The following NEK10 variants were observed in gnomAD, a reference collection of about 807,000 sequenced individuals.
The protein encoded by NEK10 is serine/threonine-protein kinase Nek10.
In NEK10, 122 loss-of-function variants were observed where a neutral mutation model predicts 159.8. That is an observed-to-expected ratio of 0.76 (90% CI 0.66 to 0.89). The LOEUF (loss-of-function observed/expected upper bound fraction) is 0.89, where lower values mean the gene tolerates loss of function less well. Among genes scored for constraint, NEK10 ranks in the 40% least tolerant of loss-of-function variants. The probability of loss-of-function intolerance (pLI) is 0.00; values close to 1 mark genes in which losing one functional copy is unlikely to be tolerated. For missense variants in NEK10, 1,342 were observed against 1,323.1 expected (o/e 1.01, Z -0.22); for synonymous variants, 466 against 457.1 (o/e 1.02, Z -0.25).
intron 24 of NEK10, 83 bp from the exon 25 acceptor site, chr3:27,201,663 AG>A: frequency 1.1e-6 from 1 of 938,542 alleles, no homozygotes; most frequent in East Asian, 2.4e-5. Context: ...ATAACCTGAG[AG>A]TTACTAATTA....
At chr3:27,158,751 A>G (rs766962815) in intron 30 of NEK10, among the ~76,000 whole-genome samples, 3 of 152,176 alleles carry the variant, frequency 2.0e-5, no homozygotes, top group Non-Finnish European at 4.4e-5. Flanking sequence ...TTGACATTAT[A>G]TTTGCACTTG....
Position 27,131,964 on chromosome 3 carries a change from C to A in NEK10, c.2997G>T (p.Leu999Phe). The A allele has an allele frequency of 6.2e-7, 1 of 1,606,806 alleles. No individual in the cohort carries two copies. The highest frequency in any genetic ancestry group is 8.5e-7 in the Non-Finnish European group (1 of 1,174,390). ...TGAATCTCTCTATAACCCTTCTTTT[C>A]AAATTGTGGTGCAAAGCTGGAGGAA... ...TQLPPALHHN[L>F]KRRVIERFKK... is the part of the protein sequence containing the mutation. Residue 999 changes from leucine to phenylalanine, a missense_variant, in exon 32 of 36, where the codon TTG (leucine) becomes TTT (phenylalanine). By Grantham distance (22) the Leu-to-Phe change is conservative (BLOSUM62 0). Coordinates refer to ENST00000691995, the MANE Select transcript of NEK10 (RefSeq NM_001394966.1).
chr3:27,144,528 C>T (rs934046231), intron 30 of NEK10, among the ~76,000 whole-genome samples: 1 of 152,166 alleles, frequency 6.6e-6, no homozygotes, highest in African/African-American at 2.4e-5. Context: ...AGAAAAGAAT[C>T]CATTTTTCTA....
At chr3:27,279,140 A>G (rs940958551) in intron 22 of NEK10, among the ~76,000 whole-genome samples, 1 of 152,228 alleles carries the variant, frequency 6.6e-6, no homozygotes, top group African/African-American at 2.4e-5. Flanking sequence ...GCTTACTATA[A>G]ATAAGTGCAA....
chr3:27,299,917 G>A (rs1410282640), intron 13 of NEK10, among the ~76,000 whole-genome samples: 3 of 152,176 alleles, frequency 2.0e-5, no homozygotes, highest in Admixed American at 6.5e-5. Context: ...TAACTGACTT[G>A]CTTTTGATTT....
chr3:27,260,806 T>C (rs373130548), intron 22 of NEK10, among the ~76,000 whole-genome samples: 1 of 152,188 alleles, frequency 6.6e-6, no homozygotes, highest in Non-Finnish European at 1.5e-5. Context: ...GTACCAGCTC[T>C]TCCTTGTACC....
intron 31 of NEK10, among the ~76,000 whole-genome samples, chr3:27,136,102 G>A (rs7639475): frequency 0.056 from 5,255 of 93,544 alleles, 217 homozygotes; most frequent in African/African-American, 0.097. Context: ...CTAGGAGATC[G>A]ATTTTTTTTT....
chr3:27,350,673 C>G (rs1394454466), intron 3 of NEK10, among the ~76,000 whole-genome samples: 2 of 151,882 alleles, frequency 1.3e-5, no homozygotes, highest in African/African-American at 4.8e-5. Flanking sequence ...AAAGTTGTCC[C>G]ACAACAGATT....
At chr3:27,249,897 T>C (rs1955477463) in intron 23 of NEK10, among the ~76,000 whole-genome samples, 1 of 152,160 alleles carries the variant, frequency 6.6e-6, no homozygotes, top group Non-Finnish European at 1.5e-5. Context: ...TGTATGTTTT[T>C]TGATTTGAGG....
intron 6 of NEK10, among the ~76,000 whole-genome samples, chr3:27,321,221 A>T (rs2045604675): frequency 6.6e-6 from 1 of 152,134 alleles, no homozygotes; most frequent in African/African-American, 2.4e-5. Flanking sequence ...CTAAAGCACT[A>T]TGTCTTTGCT....
Position 27,232,900 on chromosome 3 carries a change from C to T in NEK10, c.2090+23396G>A, listed in dbSNP as rs189588395. ...CTGGATCCCCATCTCTCACCTTAAACAAAAATCAAATCAAGATGGATCAAA... is the reference window on the plus strand; with the variant it reads ...CTGGATCCCCATCTCTCACCTTAAATAAAAATCAAATCAAGATGGATCAAA... On this transcript the variant is annotated intron_variant, in intron 23 of 35. Coordinates refer to ENST00000691995, the MANE Select transcript of NEK10 (RefSeq NM_001394966.1). Among the ~76,000 whole-genome samples the T allele has an allele frequency of 3.3e-5, 5 of 152,096 alleles. No individual in the cohort carries two copies. The East Asian group carries it at 9.6e-4, about 29-fold the overall frequency.
intron 1 of NEK10, among the ~76,000 whole-genome samples, chr3:27,356,775 G>A (rs1218638290): frequency 1.3e-5 from 2 of 152,096 alleles, no homozygotes; most frequent in Admixed American, 1.3e-4. Context: ...ACTTACCACA[G>A]CACTCTGTTT....
intron 30 of NEK10, among the ~76,000 whole-genome samples, chr3:27,152,969 C>T (rs544427889): frequency 6.6e-6 from 1 of 152,212 alleles, no homozygotes; most frequent in African/African-American, 2.4e-5. Flanking sequence ...TATCACAATC[C>T]TAAATATATA....
At chr3:27,191,977 T>G in intron 26 of NEK10, 52 bp downstream of exon 26, 1 of 1,517,950 alleles carries the variant, frequency 6.6e-7, no homozygotes, top group Non-Finnish European at 9.1e-7. Context: ...ATGAACAACT[T>G]CAGACAGCCC....
chr3:27,115,281 T>A (rs941748483), intron 35 of NEK10, among the ~76,000 whole-genome samples: 56 of 152,220 alleles, frequency 3.7e-4, no homozygotes, highest in African/African-American at 1.3e-3. Context: ...CTTTCTTGAA[T>A]AACTTCATAG....
At chr3:27,235,466 C>G (rs1198665401) in intron 23 of NEK10, among the ~76,000 whole-genome samples, 1 of 152,118 alleles carries the variant, frequency 6.6e-6, no homozygotes, top group Non-Finnish European at 1.5e-5. Context: ...CATGAACAAA[C>G]ACTTTTCAGA....
intron 28 of NEK10, among the ~76,000 whole-genome samples, chr3:27,173,542 A>T (rs1191828136): frequency 6.6e-6 from 1 of 152,256 alleles, no homozygotes; most frequent in Non-Finnish European, 1.5e-5. Context: ...AATATGGAAC[A>T]TCTAATCATC....
chr3:27,252,891 G>A (rs1416901208), intron 23 of NEK10: 3 of 514,324 alleles, frequency 5.8e-6, no homozygotes, highest in Middle Eastern at 3.2e-4. Context: ...GCCATACTGA[G>A]GGCTTGGTCT....
At chr3:27,250,022 C>T (rs989823300) in intron 23 of NEK10, among the ~76,000 whole-genome samples, 1 of 151,896 alleles carries the variant, frequency 6.6e-6, no homozygotes, top group Admixed American at 6.6e-5. Context: ...TTAATTTTGT[C>T]CCCCCACTTT....
Sources: allele counts gnomAD v4.1 joint callset (sites outside exome capture counted in the v4.1 genomes callset), GRCh38; gene constraint gnomAD v4.1.1; transcripts MANE v1.5; gene names NCBI Gene and HGNC (gene_info 2026-07-23, HGNC 2026-07-21).